KCNA2: variants seen among roughly 807,000 people sequenced by gnomAD.
The protein encoded by KCNA2 is potassium channel, voltage gated shaker related subfamily A, member 2.
Under a neutral mutation model 33.4 loss-of-function variants are expected in KCNA2, and 11 were observed. That is an observed-to-expected ratio of 0.33 (90% confidence interval 0.21 to 0.55). The LOEUF (loss-of-function observed/expected upper bound fraction) is 0.55, where lower values mean the gene tolerates loss of function less well. KCNA2 is among the 20% of genes least tolerant of loss of function. The pLI is 0.93. For synonymous variants in KCNA2, 222 were observed against 231.3 expected (o/e 0.96, Z 0.37); for missense variants, 291 against 621.6 (o/e 0.47, Z 5.66).
Position 110,594,475 on chromosome 1 carries a change from C to T in KCNA2, c.*8808G>A, listed in dbSNP as rs1471807929. 1 of 985,278 alleles carries T rather than the reference C, an allele frequency of 1.0e-6. No homozygotes were observed. The highest frequency in any genetic ancestry group is 1.2e-6 in the Non-Finnish European group (1 of 829,956). The allele number at this position is 985,278 out of a possible 1,614,324, so 61.0% of individuals were successfully genotyped here. On this transcript the variant is annotated 3_prime_UTR_variant, in exon 3 of 3. Coordinates refer to ENST00000316361, the MANE Select transcript of KCNA2 (RefSeq NM_004974.4). The stretch of plus-strand genomic sequence containing the variant: ...ATGTCCCTGATGAAAACTAGAGAAT[C>T]TTCCTTGATTGCTGGCACCATTAAT...
At chr1:110,610,330 G>A (rs1314580773), upstream of KCNA2, among the ~76,000 whole-genome samples, 1 of 152,176 alleles carries the variant, frequency 6.6e-6, no homozygotes, top group African/African-American at 2.4e-5. Flanking sequence ...AATCTTCTCA[G>A]GTGTCACTCC....
intron 1 of KCNA2, among the ~76,000 whole-genome samples, chr1:110,619,441 A>G (rs1341914981): frequency 6.6e-6 from 1 of 152,218 alleles, no homozygotes; most frequent in Non-Finnish European, 1.5e-5. Context: ...TTCTTTGTAA[A>G]GGAGGCCCCT....
At chr1:110,612,194 C>T (rs1649895888) in intron 1 of KCNA2, among the ~76,000 whole-genome samples, 2 of 152,162 alleles carry the variant, frequency 1.3e-5, no homozygotes, top group African/African-American at 4.8e-5. Flanking sequence ...GGTGGAAGTA[C>T]AGTCACGCGT....
chr1:110,613,893 T>A (rs763829556), intron 1 of KCNA2, among the ~76,000 whole-genome samples: 2 of 152,188 alleles, frequency 1.3e-5, no homozygotes, highest in Admixed American at 6.5e-5. Flanking sequence ...CTGGACCTCG[T>A]CCTGTCCACT....
chr1:110,600,553 T>C lies in KCNA2; in HGVS notation c.*2730A>G. 6.1e-6 allele frequency: 6 copies of C among 985,408 alleles called. No individual in the cohort carries two copies. Among genetic ancestry groups the C allele is most frequent in the Middle Eastern group, 5.2e-4 (1 of 1,916 alleles). The allele number at this position is 985,408 out of a possible 1,614,324, so 61.0% of individuals were successfully genotyped here. A position where few individuals can be genotyped will look rare whatever the true frequency, so the allele number is the denominator to read the frequency against. ...GTCTGTCTGTATTTTGCACGTTACA[T>C]GTTTTATGTTTGTGTGTGACAACAG... On this transcript the variant is annotated 3_prime_UTR_variant, in exon 3 of 3. Coordinates refer to ENST00000316361, the MANE Select transcript of KCNA2 (RefSeq NM_004974.4).
At chr1:110,623,416 G>T (rs1188484992) in intron 1 of KCNA2, among the ~76,000 whole-genome samples, 1 of 152,148 alleles carries the variant, frequency 6.6e-6, no homozygotes, top group Non-Finnish European at 1.5e-5. Context: ...AGATTTCTTA[G>T]ATATGACGCT....
chr1:110,597,113 C>A lies in KCNA2; in HGVS notation c.*6170G>T, dbSNP rs1649129632. 1.0e-6 allele frequency: 1 copy of A among 985,430 alleles called. No homozygotes were observed. The highest frequency in any genetic ancestry group is 4.7e-5 in the South Asian group (1 of 21,288). 61.0% of individuals were successfully genotyped at this position (985,430 alleles called of 1,614,324 possible). On this transcript the variant is annotated 3_prime_UTR_variant, in exon 3 of 3. Coordinates refer to ENST00000316361, the MANE Select transcript of KCNA2 (RefSeq NM_004974.4). Reference sequence around the variant, plus strand: ...CTTCCTTCTGCAGCTCTCACGGAGTCCCTTTGGTTGAGCAAGTCAGCTTAT... The same window carrying A: ...CTTCCTTCTGCAGCTCTCACGGAGTACCTTTGGTTGAGCAAGTCAGCTTAT...
In KCNA2 at chr1:110,601,898, TG is replaced by T. The variant is rs1649370054; in HGVS notation, c.*1384del. 2.8e-6 allele frequency: 4 copies of T among 1,454,314 alleles called. No homozygotes were observed. The South Asian group carries it at 5.7e-5, about 21-fold the overall frequency. 90.1% of individuals were successfully genotyped at this position (1,454,314 alleles called of 1,614,324 possible). ...CACATAGTCAAACACATGCATAAAT[TG>T]CCCTTTGTCAAAAATATTGCATAAG... On this transcript the variant is annotated 3_prime_UTR_variant, in exon 3 of 3. Coordinates refer to ENST00000316361, the MANE Select transcript of KCNA2 (RefSeq NM_004974.4).
chr1:110,630,573 T>G (rs1355950941), intron 1 of KCNA2, among the ~76,000 whole-genome samples: 1 of 152,190 alleles, frequency 6.6e-6, no homozygotes, highest in Non-Finnish European at 1.5e-5. Context: ...AATCATCATG[T>G]CATCTTCATC....
Position 110,601,532 on chromosome 1 carries a change from G to A in KCNA2, c.*1751C>T, listed in dbSNP as rs916721674. On this transcript the variant is annotated 3_prime_UTR_variant, in exon 3 of 3. Transcript: ENST00000316361. Reference sequence around the variant, plus strand: ...TGGCCCAGGACAGCTGGAACTGTGAGGGCCACAGGGCCCTTGTGCACTCAG... The same window carrying A: ...TGGCCCAGGACAGCTGGAACTGTGAAGGCCACAGGGCCCTTGTGCACTCAG... 1 of 986,450 alleles carries A rather than the reference G, an allele frequency of 1.0e-6. No homozygotes were observed. The highest frequency in any genetic ancestry group is 1.7e-5 in the African/African-American group (1 of 57,310). 61.1% of individuals were successfully genotyped at this position (986,450 alleles called of 1,614,324 possible). A position where few individuals can be genotyped will look rare whatever the true frequency, so the allele number is the denominator to read the frequency against.
Position 110,602,747 on chromosome 1 carries a change from C to T in KCNA2, c.*536G>A, listed in dbSNP as rs984421644. ...CTCCAGAGCATCTACTTGGCAACTG[C>T]AATTCACAAACTCCAGCCTGTGACA... On this transcript the variant is annotated 3_prime_UTR_variant, in exon 3 of 3. Transcript: ENST00000316361. 4.2e-5 allele frequency: 42 copies of T among 991,864 alleles called. No individual in the cohort carries two copies. In the African/African-American group the frequency reaches 6.4e-4, roughly 15 times the overall value. The allele number at this position is 991,864 out of a possible 1,614,324, so 61.4% of individuals were successfully genotyped here. A position where few individuals can be genotyped will look rare whatever the true frequency, so the allele number is the denominator to read the frequency against.
Position 110,597,865 on chromosome 1 carries a change from G to A in KCNA2, c.*5418C>T. 11 of 985,350 alleles carry A rather than the reference G, an allele frequency of 1.1e-5. No individual in the cohort carries two copies. The highest frequency in any genetic ancestry group is 1.3e-5 in the Non-Finnish European group (11 of 829,880). The allele number at this position is 985,350 out of a possible 1,614,324, so 61.0% of individuals were successfully genotyped here. ...GAGAGATGAAGCTGAGATTTGGTGG[G>A]AAGGGAAGCAGAAAAAAAGGAAAAG... On this transcript the variant is annotated 3_prime_UTR_variant, in exon 3 of 3. Coordinates refer to ENST00000316361, the MANE Select transcript of KCNA2 (RefSeq NM_004974.4).
At chr1:110,625,834 T>C (rs1046244507) in intron 1 of KCNA2, among the ~76,000 whole-genome samples, 2 of 152,206 alleles carry the variant, frequency 1.3e-5, no homozygotes, top group African/African-American at 2.4e-5. Flanking sequence ...CTCCTTAATA[T>C]GTGAAAAGAT....
intron 1 of KCNA2, among the ~76,000 whole-genome samples, chr1:110,628,596 C>T (rs1293679805): frequency 1.3e-5 from 2 of 152,182 alleles, no homozygotes; most frequent in African/African-American, 4.8e-5. Context: ...GGGCCTTGTC[C>T]AGTGTCCGGC....
At chr1:110,617,303 C>T (rs1042396241) in intron 1 of KCNA2, among the ~76,000 whole-genome samples, 2 of 152,220 alleles carry the variant, frequency 1.3e-5, no homozygotes, top group African/African-American at 4.8e-5. Flanking sequence ...GAAGCAGCCT[C>T]ACCTGTGCCA....
At position 110,594,034 on chromosome 1, in the gene KCNA2, A is replaced by G; in HGVS notation, c.*9249T>C. ...AGCTCTCATTGGTCCCCAGCCTCTT[A>G]TCACCATGGAGACCCCAGTTCCCTT... is the stretch of plus-strand genomic sequence containing the variant. On this transcript the variant is annotated 3_prime_UTR_variant, in exon 3 of 3. Transcript: ENST00000316361. 1 of 1,526,542 alleles carries G rather than the reference A, an allele frequency of 6.6e-7. No homozygotes were observed. 94.6% of individuals were successfully genotyped at this position (1,526,542 alleles called of 1,614,324 possible). A position where few individuals can be genotyped will look rare whatever the true frequency, so the allele number is the denominator to read the frequency against.
intron 1 of KCNA2, among the ~76,000 whole-genome samples, chr1:110,630,457 C>T (rs1457483928): frequency 4.6e-5 from 7 of 152,346 alleles, no homozygotes; most frequent in South Asian, 2.1e-4. Flanking sequence ...CACTCACCTC[C>T]GTGTCCCCAG....
chr1:110,596,141 T>TGA lies in KCNA2; in HGVS notation c.*7141_*7142insTC. On this transcript the variant is annotated 3_prime_UTR_variant, in exon 3 of 3. Coordinates refer to ENST00000316361, the MANE Select transcript of KCNA2 (RefSeq NM_004974.4). ...CTTTTTTTATGAAAGATCTGCCTTC[T>TGA]AGAGAGGTCCCTAAGCAGAAAAAAA... is the stretch of plus-strand genomic sequence containing the variant. The TGA allele has an allele frequency of 1.0e-6, 1 of 985,142 alleles. No individual in the cohort carries two copies. The highest frequency in any genetic ancestry group is 1.2e-6 in the Non-Finnish European group (1 of 829,876). The allele number at this position is 985,142 out of a possible 1,614,324, so 61.0% of individuals were successfully genotyped here. A position where few individuals can be genotyped will look rare whatever the true frequency, so the allele number is the denominator to read the frequency against.
chr1:110,597,593 T>G lies in KCNA2; in HGVS notation c.*5690A>C. The G allele has an allele frequency of 1.0e-6, 1 of 985,402 alleles. No individual in the cohort carries two copies. Among genetic ancestry groups the G allele is most frequent in the Non-Finnish European group, 1.2e-6 (1 of 829,938 alleles). The allele number at this position is 985,402 out of a possible 1,614,324, so 61.0% of individuals were successfully genotyped here. ...TGTGCATACACTGCATCTTAGCATATGTGTCCATTCCAGAAGGAGGTCAGA... is the reference window on the plus strand; with the variant it reads ...TGTGCATACACTGCATCTTAGCATAGGTGTCCATTCCAGAAGGAGGTCAGA... On this transcript the variant is annotated 3_prime_UTR_variant, in exon 3 of 3. Transcript: ENST00000316361.
Sources: gnomAD v4.1 joint callset for allele counts (sites outside exome capture counted in the v4.1 genomes callset) on GRCh38, gnomAD v4.1.1 for gene constraint, MANE v1.5 for transcripts, NCBI Gene and HGNC (gene_info 2026-07-23, HGNC 2026-07-21) for gene names.